Variants in INO80 observed in about 807,000 individuals in gnomAD.
The protein encoded by INO80 is chromatin-remodeling ATPase INO80.
In INO80, 20 loss-of-function variants were observed where a neutral mutation model predicts 203.4. That is an observed-to-expected ratio of 0.10 (90% CI 0.07 to 0.14). The LOEUF (loss-of-function observed/expected upper bound fraction) is 0.14. Ranked by LOEUF, INO80 falls within the 10% of genes least tolerant of loss-of-function variation. The probability of loss-of-function intolerance (pLI) is 1.00; values close to 1 mark genes in which losing one functional copy is unlikely to be tolerated. For synonymous variants in INO80, 726 were observed against 685.2 expected (o/e 1.06, Z -0.93); for missense variants, 1,419 against 1,914.4 (o/e 0.74, Z 4.83).
At chr15:41,067,322 G>A (rs1426512740) in intron 14 of INO80, among the ~76,000 whole-genome samples, 1 of 151,740 alleles carries the variant, frequency 6.6e-6, no homozygotes, top group African/African-American at 2.4e-5. Context: ...TGATCCACCC[G>A]CCTCACCTCC....
intron 1 of INO80, among the ~76,000 whole-genome samples, chr15:41,115,638 C>T (rs1339044945): frequency 6.6e-6 from 1 of 152,314 alleles, no homozygotes; most frequent in Non-Finnish European, 1.5e-5. Flanking sequence ...AACCTACACA[C>T]GTGTTAGCCC....
At chr15:41,040,626 C>T (rs1056978202) in intron 24 of INO80, among the ~76,000 whole-genome samples, 1 of 152,106 alleles carries the variant, frequency 6.6e-6, no homozygotes, top group South Asian at 2.1e-4. Flanking sequence ...AGTCCCAGCA[C>T]TTTGGGAGGC....
intron 10 of INO80, among the ~76,000 whole-genome samples, chr15:41,073,855 A>G (rs1484517723): frequency 3.3e-5 from 5 of 152,214 alleles, no homozygotes; most frequent in African/African-American, 1.2e-4. Flanking sequence ...AGAAATACAG[A>G]CATATTTAAA....
intron 24 of INO80, 140 bp downstream of exon 24, chr15:41,044,764 C>T: frequency 1.6e-6 from 1 of 624,016 alleles, no homozygotes; most frequent in Non-Finnish European, 2.7e-6. Flanking sequence ...TAAGTTAGAA[C>T]TCAATATGCT....
chr15:41,028,853 C>T (rs190195568), intron 24 of INO80, among the ~76,000 whole-genome samples: 49 of 150,872 alleles, frequency 3.2e-4, no homozygotes, highest in African/African-American at 1.1e-3. Flanking sequence ...AAATTCCGTC[C>T]CAAAAAAAAA....
At chr15:41,026,509 T>C (rs1417821824) in intron 25 of INO80, among the ~76,000 whole-genome samples, 1 of 151,586 alleles carries the variant, frequency 6.6e-6, no homozygotes, top group Non-Finnish European at 1.5e-5. Flanking sequence ...GCTGAAATAA[T>C]GCCACTGCAC....
intron 19 of INO80, among the ~76,000 whole-genome samples, chr15:41,052,870 A>G (rs548772649): frequency 6.6e-6 from 1 of 150,920 alleles, no homozygotes; most frequent in Admixed American, 6.6e-5. Context: ...AAAAAAAAAA[A>G]AAAAATACAA....
chr15:41,078,344 T>G (rs2045436233), intron 9 of INO80, among the ~76,000 whole-genome samples: 2 of 152,190 alleles, frequency 1.3e-5, no homozygotes, highest in Admixed American at 1.3e-4. Flanking sequence ...CAGTTAGCTA[T>G]CAACATAACT....
intron 20 of INO80, 83 bp from the exon 21 acceptor site, chr15:41,049,503 T>A: frequency 6.8e-6 from 9 of 1,314,476 alleles, no homozygotes; most frequent in Non-Finnish European, 8.6e-6. Context: ...TCCCAAATGT[T>A]TACCTTTGGG....
In INO80 at chr15:40,980,068, G is replaced by A. The variant is rs982456808; in HGVS notation, c.*155C>T. 37 of 665,374 alleles carry A rather than the reference G, an allele frequency of 5.6e-5. No individual in the cohort carries two copies. The African/African-American group carries it at 6.3e-4, about 11-fold the overall frequency. 41.2% of individuals were successfully genotyped at this position (665,374 alleles called of 1,614,324 possible). A position where few individuals can be genotyped will look rare whatever the true frequency, so the allele number is the denominator to read the frequency against. On this transcript the variant is annotated 3_prime_UTR_variant, in exon 36 of 36. Coordinates refer to ENST00000648947, the MANE Select transcript of INO80 (RefSeq NM_017553.3). ...CTGATGAGACACAGATGATAAAAGT[G>A]CTCACACCATCCACCTGCCTGTCCT...
intron 28 of INO80, among the ~76,000 whole-genome samples, chr15:41,002,890 G>A (rs1359771208): frequency 6.6e-6 from 1 of 152,194 alleles, no homozygotes; most frequent in African/African-American, 2.4e-5. Flanking sequence ...GGATCATGAG[G>A]TCAGGAGATT....
At chr15:41,020,351 T>A (rs945504157) in intron 26 of INO80, among the ~76,000 whole-genome samples, 3 of 152,228 alleles carry the variant, frequency 2.0e-5, no homozygotes, top group African/African-American at 7.2e-5. Flanking sequence ...TTATCTGTGT[T>A]CAGTTTCCTT....
intron 24 of INO80, 79 bp downstream of exon 24, chr15:41,044,820 ATTTAC>A: frequency 1.4e-6 from 2 of 1,404,122 alleles, no homozygotes; most frequent in Non-Finnish European, 1.9e-6. Context: ...TCAGGCCTTC[ATTTAC>A]TTTACTATTA....
intron 1 of INO80, among the ~76,000 whole-genome samples, chr15:41,115,033 T>C (rs1427659146): frequency 6.6e-6 from 1 of 152,226 alleles, no homozygotes; most frequent in Non-Finnish European, 1.5e-5. Flanking sequence ...ATTTGAATCA[T>C]ATTTCAATAA....
intron 31 of INO80, among the ~76,000 whole-genome samples, chr15:40,986,218 C>T (rs922608373): frequency 2.6e-5 from 4 of 151,918 alleles, no homozygotes; most frequent in African/African-American, 9.7e-5. Context: ...AAATTCACTA[C>T]TGCTAAGGAG....
intron 24 of INO80, 125 bp downstream of exon 24, chr15:41,044,779 C>G: frequency 9.7e-6 from 7 of 721,860 alleles, no homozygotes; most frequent in Non-Finnish European, 1.6e-5. Flanking sequence ...TATGCTGCAC[C>G]GCCCACTCCT....
chr15:41,024,455 AC>A (rs1334623406), intron 25 of INO80: 3 of 152,054 alleles, frequency 2.0e-5, no homozygotes, highest in African/African-American at 4.8e-5. Flanking sequence ...TTCCCTCCCC[AC>A]AAAAAATGCA....
At chr15:41,061,329 G>A (rs550995163) in intron 14 of INO80, among the ~76,000 whole-genome samples, 220 of 149,072 alleles carry the variant, frequency 1.5e-3, no homozygotes, top group African/African-American at 2.6e-3. Flanking sequence ...AGTTTAGGCC[G>A]GGCACAGTGG....
chr15:41,087,712 G>A lies in INO80; in HGVS notation c.538-30C>T, dbSNP rs375139025. The A allele has an allele frequency of 1.4e-5, 22 of 1,594,010 alleles. No homozygotes were observed. In the African/African-American group the frequency reaches 2.8e-4, roughly 21 times the overall value. ...AGCAGGCAAAGACCATGATGGGCCT[G>A]TTTTCTATAGTACAGCTTTCAAATT... On this transcript the variant is annotated intron_variant, in intron 5 of 35. Transcript: ENST00000648947.
Sources: gnomAD v4.1 joint callset for allele counts (sites outside exome capture counted in the v4.1 genomes callset) on GRCh38, gnomAD v4.1.1 for gene constraint, MANE v1.5 for transcripts, NCBI Gene and HGNC (gene_info 2026-07-23, HGNC 2026-07-21) for gene names.